SLC25A21: variants seen among roughly 807,000 people sequenced by gnomAD.
The protein encoded by SLC25A21 is solute carrier family 25 member 21.
In SLC25A21, 47 loss-of-function variants were observed where a neutral mutation model predicts 43.8. The observed-to-expected ratio is 1.07, with a 90% CI of 0.85 to 1.37. The LOEUF (loss-of-function observed/expected upper bound fraction) is 1.37, where lower values mean the gene tolerates loss of function less well. Ranked by LOEUF, SLC25A21 falls within the 40% of genes most tolerant of loss-of-function variation. The probability of loss-of-function intolerance (pLI) is 0.00; values close to 1 mark genes in which losing one functional copy is unlikely to be tolerated. For missense variants in SLC25A21, 352 were observed against 350.2 expected, an observed-to-expected ratio of 1.00 and a Z score of -0.04; for synonymous variants, 131 against 121.3, an observed-to-expected ratio of 1.08 and a Z score of -0.52.
intron 1 of SLC25A21, among the ~76,000 whole-genome samples, chr14:37,109,732 C>T (rs1205428945): frequency 2.6e-5 from 4 of 152,044 alleles, no homozygotes; most frequent in Non-Finnish European, 5.9e-5. Context: ...ATTCCTAAGG[C>T]GTCTCGGAAT....
chr14:36,709,259 G>A (rs962666030), intron 7 of SLC25A21, among the ~76,000 whole-genome samples: 2 of 152,152 alleles, frequency 1.3e-5, no homozygotes, highest in Non-Finnish European at 2.9e-5. Context: ...GTTGTGTGGG[G>A]CCTGCATTTA....
chr14:37,068,710 T>C (rs1256322558), intron 1 of SLC25A21, among the ~76,000 whole-genome samples: 1 of 152,216 alleles, frequency 6.6e-6, no homozygotes, highest in African/African-American at 2.4e-5. Flanking sequence ...TTGAAGAATG[T>C]ATTTATACAA....
At chr14:36,841,746 C>T (rs112579042) in intron 2 of SLC25A21, among the ~76,000 whole-genome samples, 7,804 of 152,222 alleles carry the variant, frequency 0.051, 279 homozygotes, top group African/African-American at 0.097. Flanking sequence ...AGGCCAAACA[C>T]GTGCCGTGGG....
intron 1 of SLC25A21, among the ~76,000 whole-genome samples, chr14:36,944,859 A>G: frequency 6.6e-6 from 1 of 152,178 alleles, no homozygotes; most frequent in East Asian, 1.9e-4. Context: ...GACTCATCCC[A>G]TCACAGTTTA....
intron 7 of SLC25A21, among the ~76,000 whole-genome samples, chr14:36,689,377 A>G (rs1000152421): frequency 2.0e-5 from 3 of 152,192 alleles, no homozygotes; most frequent in Non-Finnish European, 2.9e-5. Context: ...AAGCCAAACC[A>G]TATCAGCTTC....
rs534068637 is a variant in SLC25A21 at position 37,109,436 on chromosome 14, A to T, written c.70+62845T>A. ...GAAAGAAAACCTTTTTGGTATATAA[A>T]AACATAAAAATGCCAGATTTGTAGC... is the stretch of plus-strand genomic sequence containing the variant. On this transcript the variant is annotated intron_variant, in intron 1 of 9. Coordinates refer to ENST00000331299, the MANE Select transcript of SLC25A21 (RefSeq NM_030631.4). Among the ~76,000 whole-genome samples the T allele has an allele frequency of 1.8e-3, 281 of 152,288 alleles. 1 individual carries two copies. Among genetic ancestry groups the T allele is most frequent in the African/African-American group, 6.7e-3 (278 of 41,580 alleles).
At chr14:37,024,083 G>T (rs769275714) in intron 1 of SLC25A21, among the ~76,000 whole-genome samples, 2 of 152,078 alleles carry the variant, frequency 1.3e-5, no homozygotes, top group Non-Finnish European at 2.9e-5. Context: ...TAATTAACCA[G>T]ATCACTGAGG....
chr14:36,884,565 A>C (rs2138573016), intron 1 of SLC25A21, among the ~76,000 whole-genome samples: 1 of 152,306 alleles, frequency 6.6e-6, no homozygotes, highest in Admixed American at 6.5e-5. Context: ...TGTGTTCCAT[A>C]ATGGCTATAC....
chr14:36,935,870 T>C (rs1892410296), intron 1 of SLC25A21, among the ~76,000 whole-genome samples: 1 of 152,160 alleles, frequency 6.6e-6, no homozygotes, highest in Non-Finnish European at 1.5e-5. Context: ...TTTAAAACTT[T>C]CCTTTGCATA....
At chr14:36,949,025 T>C (rs543760606) in intron 1 of SLC25A21, among the ~76,000 whole-genome samples, 1 of 152,330 alleles carries the variant, frequency 6.6e-6, no homozygotes, top group East Asian at 1.9e-4. Flanking sequence ...CCCAGTCTGT[T>C]GCATTTGACA....
intron 1 of SLC25A21, among the ~76,000 whole-genome samples, chr14:37,007,020 A>C (rs1960619467): frequency 6.6e-6 from 1 of 152,228 alleles, no homozygotes; most frequent in South Asian, 2.1e-4. Context: ...AATTAATGTT[A>C]AGACATTTTA....
intron 7 of SLC25A21, among the ~76,000 whole-genome samples, chr14:36,685,223 T>G (rs1375327050): frequency 6.6e-6 from 1 of 152,214 alleles, no homozygotes; most frequent in Non-Finnish European, 1.5e-5. Flanking sequence ...TAATTGGGCT[T>G]CACAATGTAC....
chr14:37,043,617 C>A (rs1961520961), intron 1 of SLC25A21, among the ~76,000 whole-genome samples: 1 of 152,162 alleles, frequency 6.6e-6, no homozygotes. Context: ...TAGTCTCCAT[C>A]CCTTACAGAT....
At chr14:37,137,496 T>G (rs1321659022) in intron 1 of SLC25A21, among the ~76,000 whole-genome samples, 1 of 152,216 alleles carries the variant, frequency 6.6e-6, no homozygotes, top group African/African-American at 2.4e-5. Context: ...ACCAGCTGAT[T>G]TTCTTATAGA....
At chr14:37,039,307 T>A (rs1961394310) in intron 1 of SLC25A21, among the ~76,000 whole-genome samples, 1 of 152,180 alleles carries the variant, frequency 6.6e-6, no homozygotes, top group Admixed American at 6.5e-5. Flanking sequence ...ACATACAAAT[T>A]GAAAAATTTT....
intron 9 of SLC25A21, among the ~76,000 whole-genome samples, chr14:36,681,920 A>G (rs1358163876): frequency 1.3e-5 from 2 of 152,204 alleles, no homozygotes; most frequent in Admixed American, 1.3e-4. Flanking sequence ...ATGTGTAGGT[A>G]ATCGCTGCAT....
intron 1 of SLC25A21, among the ~76,000 whole-genome samples, chr14:36,876,153 C>T (rs569059768): frequency 5.9e-5 from 9 of 152,270 alleles, no homozygotes; most frequent in Admixed American, 5.9e-4. Flanking sequence ...TATAAACTAA[C>T]TCAACTTGAA....
chr14:36,686,875 G>A (rs749720299), intron 7 of SLC25A21, among the ~76,000 whole-genome samples: 12 of 152,166 alleles, frequency 7.9e-5, no homozygotes, highest in South Asian at 2.1e-4. Flanking sequence ...CTTGAGACAT[G>A]GCATTGGAAA....
intron 1 of SLC25A21, among the ~76,000 whole-genome samples, chr14:37,073,513 T>G (rs1962216352): frequency 6.6e-6 from 1 of 152,178 alleles, no homozygotes; most frequent in African/African-American, 2.4e-5. Context: ...ACAGCCTGCC[T>G]GGGTCTTCAT....
Sources: allele counts gnomAD v4.1 joint callset (sites outside exome capture counted in the v4.1 genomes callset), GRCh38; gene constraint gnomAD v4.1.1; transcripts MANE v1.5; gene names NCBI Gene and HGNC (gene_info 2026-07-23, HGNC 2026-07-21).